The following APLF variants were observed in gnomAD, a reference collection of about 807,000 sequenced individuals.
APLF encodes aprataxin and PNKP like factor, also known as aprataxin and PNK-like factor.
In APLF, 61 loss-of-function variants were observed where a neutral mutation model predicts 55.6. The ratio of observed to expected loss-of-function variants is 1.10; its 90% CI spans 0.89 to 1.36. The LOEUF (loss-of-function observed/expected upper bound fraction) is 1.36. APLF is among the 40% of genes most tolerant of loss of function. The pLI is 0.00. For missense variants in APLF, 611 were observed against 602.5 expected (o/e 1.01, Z -0.15); for synonymous variants, 207 against 214.8 (o/e 0.96, Z 0.32).
chr2:68,553,008 TA>T (rs1670908399), intron 8 of APLF, among the ~76,000 whole-genome samples: 1 of 152,004 alleles, frequency 6.6e-6, no homozygotes, highest in Non-Finnish European at 1.5e-5. Context: ...GCTTTAAAAA[TA>T]AGGGGATGTA....
intron 5 of APLF, among the ~76,000 whole-genome samples, chr2:68,524,072 G>C (rs1392121338): frequency 1.3e-5 from 2 of 152,026 alleles, no homozygotes; most frequent in Non-Finnish European, 2.9e-5. Flanking sequence ...GCTGTGTCTT[G>C]TTTAATTTAC....
chr2:68,567,089 C>T (rs1405802529), intron 8 of APLF, among the ~76,000 whole-genome samples: 1 of 151,964 alleles, frequency 6.6e-6, no homozygotes. Context: ...TGTCTTTTCC[C>T]TCTTTCTAGA....
intron 3 of APLF, among the ~76,000 whole-genome samples, chr2:68,503,385 G>T (rs996196765): frequency 7.9e-5 from 12 of 152,000 alleles, no homozygotes; most frequent in African/African-American, 2.9e-4. Flanking sequence ...CTGATGTCTG[G>T]CTTACAGTTA....
At chr2:68,571,327 T>C (rs1267246755) in intron 9 of APLF, among the ~76,000 whole-genome samples, 18 of 152,316 alleles carry the variant, frequency 1.2e-4, no homozygotes, top group African/African-American at 3.6e-4. Context: ...TTTTGGCTTT[T>C]GTTGCCATTG....
chr2:68,554,139 C>T (rs1013712087), intron 8 of APLF, among the ~76,000 whole-genome samples: 7 of 151,800 alleles, frequency 4.6e-5, no homozygotes, highest in East Asian at 1.9e-4. Context: ...AAAAACTGTA[C>T]GTATATGGGT....
intron 2 of APLF, among the ~76,000 whole-genome samples, chr2:68,496,960 C>A (rs1676568156): frequency 6.6e-6 from 1 of 152,182 alleles, no homozygotes; most frequent in South Asian, 2.1e-4. Context: ...CTAACTGCTG[C>A]CTGTTAGGGA....
chr2:68,542,307 T>C (rs1670574444), intron 7 of APLF, among the ~76,000 whole-genome samples: 1 of 152,136 alleles, frequency 6.6e-6, no homozygotes, highest in Admixed American at 6.6e-5. Flanking sequence ...AAAATTGGAC[T>C]TTTTAAAGTT....
At chr2:68,554,416 A>G (rs939109854) in intron 8 of APLF, among the ~76,000 whole-genome samples, 3 of 152,072 alleles carry the variant, frequency 2.0e-5, no homozygotes, top group Non-Finnish European at 2.9e-5. Flanking sequence ...GGTAATTTGA[A>G]AGAACTAATT....
intron 6 of APLF, among the ~76,000 whole-genome samples, chr2:68,533,986 G>A (rs1459666812): frequency 6.6e-6 from 1 of 152,170 alleles, no homozygotes; most frequent in Non-Finnish European, 1.5e-5. Context: ...TGGAGGTAAG[G>A]GAAGAGATTG....
intron 6 of APLF, chr2:68,528,408 C>T (rs1262860124): frequency 6.5e-7 from 1 of 1,534,284 alleles, no homozygotes; most frequent in African/African-American, 1.4e-5. Context: ...GGAAGCTTAG[C>T]CGGTGGGGGC....
At chr2:68,498,254 T>C (rs1402866664) in intron 2 of APLF, among the ~76,000 whole-genome samples, 2 of 152,194 alleles carry the variant, frequency 1.3e-5, no homozygotes, top group African/African-American at 4.8e-5. Flanking sequence ...TGTAATAAAA[T>C]GTCAAGAGGG....
intron 6 of APLF, among the ~76,000 whole-genome samples, chr2:68,534,405 T>TG (rs1268043183): frequency 2.0e-5 from 3 of 152,188 alleles, no homozygotes; most frequent in African/African-American, 7.2e-5. Context: ...CAGACATTCT[T>TG]GCCAGGAGCA....
At chr2:68,488,121 G>T (rs1676240761) in intron 1 of APLF, among the ~76,000 whole-genome samples, 1 of 152,064 alleles carries the variant, frequency 6.6e-6, no homozygotes. Context: ...GACTGTTAAA[G>T]GAACCAGCTT....
chr2:68,484,873 T>G (rs2103896706), intron 1 of APLF, among the ~76,000 whole-genome samples: 1 of 152,104 alleles, frequency 6.6e-6, no homozygotes, highest in Non-Finnish European at 1.5e-5. Context: ...GGAATGTATA[T>G]TAATCACAGT....
At chr2:68,562,390 G>T (rs902335288) in intron 8 of APLF, among the ~76,000 whole-genome samples, 2 of 152,050 alleles carry the variant, frequency 1.3e-5, no homozygotes, top group Admixed American at 1.3e-4. Flanking sequence ...ACCAGCTGGA[G>T]AGAGATACTT....
intron 1 of APLF, among the ~76,000 whole-genome samples, chr2:68,478,678 G>C (rs549623477): frequency 6.6e-6 from 1 of 152,272 alleles, no homozygotes; most frequent in East Asian, 1.9e-4. Flanking sequence ...AAGGATGTCT[G>C]TCTGAACAGG....
chr2:68,565,207 AG>A (rs67403429), intron 8 of APLF, among the ~76,000 whole-genome samples: 16,169 of 152,098 alleles, frequency 0.11, 1,101 homozygotes, highest in African/African-American at 0.19. Context: ...AGCTCTCAAA[AG>A]CAATAACACT....
At chr2:68,533,188 G>A (rs1371215529) in intron 6 of APLF, among the ~76,000 whole-genome samples, 2 of 152,152 alleles carry the variant, frequency 1.3e-5, no homozygotes, top group Admixed American at 6.5e-5. Flanking sequence ...GCAGTAAGGA[G>A]CCTCACACCA....
At chr2:68,517,632 C>G (rs1317371180) in intron 5 of APLF, among the ~76,000 whole-genome samples, 1 of 143,576 alleles carries the variant, frequency 7.0e-6, no homozygotes, top group African/African-American at 2.5e-5. Flanking sequence ...TAACATGTAA[C>G]AATATATCAC....
Sources: allele counts gnomAD v4.1 joint callset (sites outside exome capture counted in the v4.1 genomes callset), GRCh38; gene constraint gnomAD v4.1.1; transcripts MANE v1.5; gene names NCBI Gene and HGNC (gene_info 2026-07-23, HGNC 2026-07-21).